Variants in DPH6 observed in about 807,000 individuals in gnomAD.
DPH6 encodes diphthamine biosynthesis 6, also known as diphthine--ammonia ligase.
Under a neutral mutation model 38.2 loss-of-function variants are expected in DPH6, and 33 were observed. That is an observed-to-expected ratio of 0.86 (90% CI 0.65 to 1.15). The LOEUF (loss-of-function observed/expected upper bound fraction) is 1.15, where lower values mean the gene tolerates loss of function less well. Among genes scored for constraint, DPH6 ranks in the 50% most tolerant of loss-of-function variants. The pLI, the probability that DPH6 is intolerant of heterozygous loss-of-function variation, is 0.00. For missense variants in DPH6, 325 were observed against 320.0 expected, an observed-to-expected ratio of 1.02 and a Z score of -0.12; for synonymous variants, 108 against 103.0, an observed-to-expected ratio of 1.05 and a Z score of -0.30.
chr15:35,436,011 T>A (rs933674503), intron 5 of DPH6, among the ~76,000 whole-genome samples: 10 of 151,956 alleles, frequency 6.6e-5, no homozygotes, highest in Admixed American at 2.0e-4. Context: ...TCCACCCCAA[T>A]GGCTGTAGGT....
Position 35,429,606 on chromosome 15 carries a change from T to C in DPH6, c.506-18710A>G, listed in dbSNP as rs544866293. Among the ~76,000 whole-genome samples the C allele has an allele frequency of 5.1e-4, 77 of 152,258 alleles. 1 individual carries two copies. Among genetic ancestry groups the C allele is most frequent in the Non-Finnish European group, 9.6e-4 (65 of 67,978 alleles). ...ATACTGACCTACTATCAACTTCATA[T>C]TAGGTCCATTTGTTTAAGTAATTAT... On this transcript the variant is annotated intron_variant, in intron 5 of 8. Coordinates refer to ENST00000256538, the MANE Select transcript of DPH6 (RefSeq NM_080650.4).
At chr15:35,377,289 TTTC>T (rs988346445) in intron 7 of DPH6, among the ~76,000 whole-genome samples, 1 of 152,088 alleles carries the variant, frequency 6.6e-6, no homozygotes, top group Non-Finnish European at 1.5e-5. Context: ...TGGTTCTTCC[TTTC>T]TTCTTTTTTC....
chr15:35,162,372 G>C, the DPH6 span, among the ~76,000 whole-genome samples: 4 of 151,866 alleles, frequency 2.6e-5, no homozygotes, highest in Non-Finnish European at 5.9e-5. Context: ...TCTGGCCACT[G>C]TTTATATCTC....
rs549291560 is a variant in DPH6 at position 35,529,918 on chromosome 15, AC to A, written c.312+8355del. Among the ~76,000 whole-genome samples, 37 of 152,222 alleles carry A rather than the reference AC, an allele frequency of 2.4e-4. No individual in the cohort carries two copies. The East Asian group carries it at 4.2e-3, about 17-fold the overall frequency. ...AACCAAAAATAAAAAATAAAAAAAA[AC>A]ACTAAGTATTTATCAATAATATCAT... On this transcript the variant is annotated intron_variant, in intron 3 of 8. Coordinates refer to ENST00000256538, the MANE Select transcript of DPH6 (RefSeq NM_080650.4).
intron 3 of DPH6, among the ~76,000 whole-genome samples, chr15:35,537,167 T>A (rs1429552386): frequency 6.6e-6 from 1 of 152,160 alleles, no homozygotes; most frequent in Non-Finnish European, 1.5e-5. Flanking sequence ...TTGATTTGTA[T>A]GAAACTCAAA....
At chr15:35,510,288 T>C (rs2054751365) in intron 3 of DPH6, among the ~76,000 whole-genome samples, 1 of 152,216 alleles carries the variant, frequency 6.6e-6, no homozygotes, top group Admixed American at 6.5e-5. Context: ...TGGGCCAGCC[T>C]GCAGAACTTT....
At position 35,395,520 on chromosome 15, in the gene DPH6, C is replaced by T. The variant is rs536824604; in HGVS notation, c.568-13604G>A. ...ACGTATTCTTACTGATCTACCAACA[C>T]CAGCTCTTAGTTTCATTTAGACCAA... On this transcript the variant is annotated intron_variant, in intron 6 of 8. Transcript: ENST00000256538. 9.8e-5 allele frequency among the ~76,000 whole-genome samples: 15 copies of T among 152,300 alleles called. No homozygotes were observed. In the South Asian group the frequency reaches 2.9e-3, roughly 29 times the overall value.
intron 3 of DPH6, chr15:35,237,234 G>A (rs2051559215): frequency 1.3e-5 from 14 of 1,113,752 alleles, no homozygotes; most frequent in South Asian, 7.5e-5. Context: ...AGAACTGAGC[G>A]GAGCTGGTTG....
At chr15:35,436,494 C>CAAACA (rs1566909220) in intron 5 of DPH6, among the ~76,000 whole-genome samples, 130 of 9,102 alleles carry the variant, frequency 0.014, 5 homozygotes, top group East Asian at 0.053. Context: ...CAAAACAAAA[C>CAAACA]AAAACAAAAC....
intron 6 of DPH6, among the ~76,000 whole-genome samples, chr15:35,383,971 G>A (rs2052907075): frequency 6.6e-6 from 1 of 152,188 alleles, no homozygotes; most frequent in Non-Finnish European, 1.5e-5. Context: ...TGATAGGTCA[G>A]TTTAGGTATG....
chr15:35,524,028 C>G (rs2054962620), intron 3 of DPH6, among the ~76,000 whole-genome samples: 1 of 151,430 alleles, frequency 6.6e-6, no homozygotes, highest in Non-Finnish European at 1.5e-5. Context: ...AGTTTAAAAA[C>G]TTGCAAAGCT....
chr15:35,452,424 G>C (rs56153453), intron 4 of DPH6, among the ~76,000 whole-genome samples: 1 of 152,078 alleles, frequency 6.6e-6, no homozygotes, highest in Non-Finnish European at 1.5e-5. Flanking sequence ...AGGTTTATAA[G>C]TAAAACCCAG....
At chr15:35,332,152 T>C (rs2052331227) in intron 3 of DPH6, among the ~76,000 whole-genome samples, 1 of 152,168 alleles carries the variant, frequency 6.6e-6, no homozygotes, top group Non-Finnish European at 1.5e-5. Context: ...GTTTTTGTAT[T>C]CTATTCCTAA....
intron 3 of DPH6, among the ~76,000 whole-genome samples, chr15:35,315,284 A>G (rs1365080057): frequency 6.6e-6 from 1 of 152,230 alleles, no homozygotes; most frequent in Non-Finnish European, 1.5e-5. Context: ...TTCCACAACC[A>G]GCAGAATGCA....
chr15:35,318,950 T>C (rs968120095), intron 3 of DPH6, among the ~76,000 whole-genome samples: 4 of 152,170 alleles, frequency 2.6e-5, no homozygotes, highest in South Asian at 2.1e-4. Flanking sequence ...TTATAAACTT[T>C]GTTATTGAAA....
chr15:35,511,530 T>C (rs1023493153), intron 3 of DPH6, among the ~76,000 whole-genome samples: 1 of 152,104 alleles, frequency 6.6e-6, no homozygotes, highest in Admixed American at 6.6e-5. Context: ...TGTGAATATG[T>C]ACATGTGTTT....
At chr15:35,254,725 G>A (rs574783534) in intron 3 of DPH6, among the ~76,000 whole-genome samples, 1 of 152,202 alleles carries the variant, frequency 6.6e-6, no homozygotes, top group Admixed American at 6.5e-5. Flanking sequence ...CAATAAAGCT[G>A]TTTATTTCAC....
intron 3 of DPH6, among the ~76,000 whole-genome samples, chr15:35,507,199 A>G (rs935762733): frequency 2.0e-5 from 3 of 152,122 alleles, no homozygotes; most frequent in Non-Finnish European, 1.5e-5. Flanking sequence ...GATGTCAAAT[A>G]TAATAAAACA....
At chr15:35,235,299 G>A (rs955163035) in intron 3 of DPH6, among the ~76,000 whole-genome samples, 1 of 152,176 alleles carries the variant, frequency 6.6e-6, no homozygotes, top group Non-Finnish European at 1.5e-5. Flanking sequence ...ATATTCCAGA[G>A]TTCCCATGCA....
Sources: allele counts gnomAD v4.1 joint callset (sites outside exome capture counted in the v4.1 genomes callset), GRCh38; gene constraint gnomAD v4.1.1; transcripts MANE v1.5; gene names NCBI Gene and HGNC (gene_info 2026-07-23, HGNC 2026-07-21).